PRIM2: variants seen among roughly 807,000 people sequenced by gnomAD.
The protein encoded by PRIM2 is DNA primase subunit 2, also known as DNA primase large subunit.
A neutral mutation model predicts 67.3 loss-of-function variants in PRIM2; 39 were observed. The ratio of observed to expected loss-of-function variants is 0.58; its 90% CI spans 0.45 to 0.76. PRIM2 has a LOEUF of 0.76. Ranked by LOEUF, PRIM2 falls within the 30% of genes least tolerant of loss-of-function variation. PRIM2 has a pLI of 0.00. For synonymous variants in PRIM2, 143 were observed against 198.7 expected, an observed-to-expected ratio of 0.72 and a Z score of 2.36; for missense variants, 398 against 598.7, an observed-to-expected ratio of 0.66 and a Z score of 3.50.
upstream of PRIM2, among the ~76,000 whole-genome samples, chr6:57,316,366 C>T (rs543027250): frequency 1.3e-5 from 2 of 152,224 alleles, no homozygotes; most frequent in East Asian, 3.9e-4. Flanking sequence ...GAGCCAAGAT[C>T]GCTCCACTGC....
intron 8 of PRIM2, among the ~76,000 whole-genome samples, chr6:57,514,383 G>A (rs1432891739): frequency 2.6e-5 from 4 of 152,106 alleles, no homozygotes; most frequent in Admixed American, 2.6e-4. Context: ...GAAAATAAAC[G>A]CCAGAAAATG....
chr6:57,348,097 T>C (rs1421742478), intron 5 of PRIM2, among the ~76,000 whole-genome samples: 2 of 152,084 alleles, frequency 1.3e-5, no homozygotes, highest in Non-Finnish European at 2.9e-5. Context: ...AAATATACCA[T>C]TGGTAGCTTT....
At chr6:57,584,069 C>G (rs1441633049) in intron 10 of PRIM2, among the ~76,000 whole-genome samples, 1 of 151,952 alleles carries the variant, frequency 6.6e-6, no homozygotes, top group Non-Finnish European at 1.5e-5. Flanking sequence ...TTTTGTTTTT[C>G]TTTTTGCTAA....
Position 57,437,337 on chromosome 6 carries a change from A to G in PRIM2, c.693+55169A>G, listed in dbSNP as rs1372736871. ...GAGAGTTGATAGGGACACAGATCCA[A>G]ATCATATCCCTAGGTATTCTATTTT... On this transcript the variant is annotated intron_variant, in intron 7 of 13. Transcript: ENST00000615550. Among the ~76,000 whole-genome samples, 15 of 152,332 alleles carry G rather than the reference A, an allele frequency of 9.8e-5. No homozygotes were observed. The East Asian group carries it at 2.9e-3, about 29-fold the overall frequency.
At chr6:57,332,554 T>A (rs752477882) in intron 5 of PRIM2, among the ~76,000 whole-genome samples, 6 of 152,184 alleles carry the variant, frequency 3.9e-5, no homozygotes, top group Non-Finnish European at 7.4e-5. Context: ...TCTTGTTAGT[T>A]GCATATATGT....
At chr6:57,422,613 A>G (rs923513789) in intron 7 of PRIM2, among the ~76,000 whole-genome samples, 7 of 151,650 alleles carry the variant, frequency 4.6e-5, no homozygotes, top group African/African-American at 1.7e-4. Context: ...TACCAAGTTA[A>G]TATACCAAAA....
intron 10 of PRIM2, among the ~76,000 whole-genome samples, chr6:57,590,176 T>C (rs1231417979): frequency 1.3e-5 from 2 of 152,188 alleles, no homozygotes; most frequent in Non-Finnish European, 2.9e-5. Flanking sequence ...TCTGGAGCAC[T>C]GGATATTGGA....
intron 7 of PRIM2, among the ~76,000 whole-genome samples, chr6:57,397,717 C>CA (rs75873741): frequency 2.7e-5 from 4 of 150,896 alleles, no homozygotes; most frequent in Admixed American, 6.6e-5. Flanking sequence ...AACTAGTTTG[C>CA]AAAAAAAATC....
At chr6:57,608,447 CA>C (rs1222851660) in intron 12 of PRIM2, among the ~76,000 whole-genome samples, 3 of 152,114 alleles carry the variant, frequency 2.0e-5, no homozygotes, top group African/African-American at 7.2e-5. Context: ...AAAAATGTGT[CA>C]GGCCAGGTGC....
At chr6:57,366,202 A>T (rs1769352587) in intron 5 of PRIM2, among the ~76,000 whole-genome samples, 1 of 152,162 alleles carries the variant, frequency 6.6e-6, no homozygotes, top group Non-Finnish European at 1.5e-5. Context: ...GCCAGTAGAA[A>T]CACAGGGTAT....
chr6:57,426,782 T>C (rs1337162064), intron 7 of PRIM2, among the ~76,000 whole-genome samples: 3 of 152,224 alleles, frequency 2.0e-5, no homozygotes, highest in African/African-American at 4.8e-5. Context: ...CATTTTGATA[T>C]AGTTTTGATT....
chr6:57,546,047 A>G (rs1418116007), intron 10 of PRIM2, among the ~76,000 whole-genome samples: 3 of 152,236 alleles, frequency 2.0e-5, no homozygotes, highest in Non-Finnish European at 2.9e-5. Flanking sequence ...GATAGGGTCA[A>G]TTGGTAACTG....
chr6:57,271,927 G>T, the PRIM2 span, among the ~76,000 whole-genome samples: 1 of 152,202 alleles, frequency 6.6e-6, no homozygotes, highest in East Asian at 1.9e-4. Flanking sequence ...TTTCCACGTA[G>T]TTGAGCAGAT....
intron 8 of PRIM2, among the ~76,000 whole-genome samples, chr6:57,527,990 G>T (rs1774797117): frequency 6.6e-6 from 1 of 151,798 alleles, no homozygotes; most frequent in South Asian, 2.1e-4. Flanking sequence ...TTGAGACAGG[G>T]TCTCAATCCC....
intron 8 of PRIM2, among the ~76,000 whole-genome samples, chr6:57,518,017 T>C (rs1203563080): frequency 3.3e-5 from 5 of 151,736 alleles, no homozygotes; most frequent in Non-Finnish European, 5.9e-5. Context: ...TAACCTTTAT[T>C]TACTCAGAGT....
intron 10 of PRIM2, among the ~76,000 whole-genome samples, chr6:57,558,033 C>T (rs1175975169): frequency 2.2e-4 from 33 of 152,100 alleles, no homozygotes; most frequent in African/African-American, 7.2e-4. Context: ...TGTGGTGTGG[C>T]GGGGAGAATG....
At chr6:57,497,626 G>T (rs1774033925) in intron 7 of PRIM2, 1 of 152,130 alleles carries the variant, frequency 6.6e-6, no homozygotes, top group Non-Finnish European at 1.5e-5. Flanking sequence ...AGCTCAAATG[G>T]AATCTATGCA....
intron 10 of PRIM2, among the ~76,000 whole-genome samples, chr6:57,542,757 A>G (rs2127472130): frequency 6.6e-6 from 1 of 151,768 alleles, no homozygotes; most frequent in African/African-American, 2.4e-5. Context: ...CGTATTGTAA[A>G]TGTTCATGTT....
the PRIM2 span, among the ~76,000 whole-genome samples, chr6:57,272,966 C>G: frequency 2.3e-3 from 354 of 152,334 alleles, 1 homozygote; most frequent in African/African-American, 7.0e-3. Context: ...CTACTCTCTT[C>G]TGGCTTGTGG....
Sources: gnomAD v4.1 joint callset for allele counts (sites outside exome capture counted in the v4.1 genomes callset) on GRCh38, gnomAD v4.1.1 for gene constraint, MANE v1.5 for transcripts, NCBI Gene and HGNC (gene_info 2026-07-23, HGNC 2026-07-21) for gene names.